The following ARHGEF9 variants were observed in gnomAD, a reference collection of about 807,000 sequenced individuals.
ARHGEF9 encodes the protein rho guanine nucleotide exchange factor 9.
A neutral mutation model predicts 41.3 loss-of-function variants in ARHGEF9; 2 were observed. The observed-to-expected ratio is 0.05, with a 90% CI of 0.02 to 0.15. The LOEUF (loss-of-function observed/expected upper bound fraction) is 0.15. Among genes scored for constraint, ARHGEF9 ranks in the 10% least tolerant of loss-of-function variants. ARHGEF9 has a pLI of 1.00. For missense variants in ARHGEF9, 225 were observed against 424.7 expected (o/e 0.53, Z 4.13); for synonymous variants, 160 against 154.4 (o/e 1.04, Z -0.27).
chrX:63,667,126 G>A (rs1556349790), intron 6 of ARHGEF9, among the ~76,000 whole-genome samples: 1 of 112,135 alleles, frequency 8.9e-6, no homozygotes, highest in African/African-American at 3.2e-5. Flanking sequence ...AGACACAGAA[G>A]AATTAATATT....
At chrX:63,761,675 T>G (rs2056036817) in intron 1 of ARHGEF9, among the ~76,000 whole-genome samples, 1 of 111,635 alleles carries the variant, frequency 9.0e-6, no homozygotes, top group Non-Finnish European at 1.9e-5. Flanking sequence ...TTTTCTGTTC[T>G]CCGATGACAT....
rs782353366 is a variant in ARHGEF9, at chrX:63,638,227, T to C, written c.1391-18A>G. On this transcript the variant is annotated intron_variant, in intron 9 of 9. Coordinates refer to ENST00000671741, the MANE Select transcript of ARHGEF9 (RefSeq NM_001353921.2). ...GTTGACACCTAGAGTAGATGAGAGA[T>C]CAAAGGGAAAGGGTATAAGTTATGT... 8.6e-7 allele frequency: 1 copy of C among 1,160,488 alleles called. No individual in the cohort carries two copies. Among genetic ancestry groups the C allele is most frequent in the African/African-American group, 1.8e-5 (1 of 55,280 alleles).
chrX:63,695,333 G>T (rs1159738678), intron 4 of ARHGEF9, among the ~76,000 whole-genome samples: 2 of 111,846 alleles, frequency 1.8e-5, no homozygotes, highest in African/African-American at 6.5e-5. Context: ...TCGGTTTGTT[G>T]CTACATAATA....
Position 63,713,463 on chromosome X carries a change from C to T in ARHGEF9, c.211-7014G>A, listed in dbSNP as rs1215235773. The stretch of plus-strand genomic sequence containing the variant: ...TTCAGATAATTCTAATCATTCTAAT[C>T]ATGAGCTCTGTCTCTGTCTGAATAA... On this transcript the variant is annotated intron_variant, in intron 2 of 9. Coordinates refer to ENST00000671741, the MANE Select transcript of ARHGEF9 (RefSeq NM_001353921.2). Among the ~76,000 whole-genome samples the T allele has an allele frequency of 2.7e-5, 3 of 109,957 alleles. No individual in the cohort carries two copies. The Admixed American group carries it at 2.9e-4, about 11-fold the overall frequency.
intron 1 of ARHGEF9, among the ~76,000 whole-genome samples, chrX:63,778,539 G>T (rs2056330643): frequency 8.9e-6 from 1 of 112,381 alleles, no homozygotes; most frequent in African/African-American, 3.2e-5. Context: ...CAGAAAATGG[G>T]TTTTGCTTTT....
At chrX:63,715,537 A>T (rs1172569334) in intron 2 of ARHGEF9, among the ~76,000 whole-genome samples, 1 of 112,209 alleles carries the variant, frequency 8.9e-6, no homozygotes, top group Non-Finnish European at 1.9e-5. Context: ...TTTACTAACA[A>T]GTTAAAGGCA....
chrX:63,769,627 C>G (rs1272986023), intron 1 of ARHGEF9, among the ~76,000 whole-genome samples: 1 of 111,173 alleles, frequency 9.0e-6, no homozygotes, highest in Non-Finnish European at 1.9e-5. Context: ...TTTCTTGGGC[C>G]GGGCCCAGGG....
At chrX:63,648,245 G>T (rs1382218552) in intron 8 of ARHGEF9, among the ~76,000 whole-genome samples, 1 of 111,566 alleles carries the variant, frequency 9.0e-6, no homozygotes, top group Non-Finnish European at 1.9e-5. Context: ...GACTAACAGC[G>T]GATCTCTCGG....
At chrX:63,744,905 T>C (rs2055173661) in intron 1 of ARHGEF9, among the ~76,000 whole-genome samples, 1 of 112,123 alleles carries the variant, frequency 8.9e-6, no homozygotes, top group African/African-American at 3.2e-5. Flanking sequence ...GCTTTTGTTC[T>C]AAGCCCTCCT....
At chrX:63,731,745 G>A (rs2054307259) in intron 1 of ARHGEF9, among the ~76,000 whole-genome samples, 1 of 109,946 alleles carries the variant, frequency 9.1e-6, no homozygotes. Flanking sequence ...ATTTTTCGTA[G>A]AGACAGGGTT....
At chrX:63,684,930 T>C (rs1385866242) in intron 4 of ARHGEF9, among the ~76,000 whole-genome samples, 1 of 105,724 alleles carries the variant, frequency 9.5e-6, no homozygotes, top group African/African-American at 3.4e-5. Context: ...AAAAAAAAAA[T>C]GAATACATAG....
In ARHGEF9 at chrX:63,738,927, A is replaced by G. The variant is rs1239110284; in HGVS notation, c.31-14216T>C. On this transcript the variant is annotated intron_variant, in intron 1 of 9. Coordinates refer to ENST00000671741, the MANE Select transcript of ARHGEF9 (RefSeq NM_001353921.2). ...AAGACTCCAGGAAATCTGACTGAACACGAGAATCTGTGGTGTACAAAGGAA... is the reference window on the plus strand; with the variant it reads ...AAGACTCCAGGAAATCTGACTGAACGCGAGAATCTGTGGTGTACAAAGGAA... Among the ~76,000 whole-genome samples, 3 of 111,470 alleles carry G rather than the reference A, an allele frequency of 2.7e-5. No homozygotes were observed. The East Asian group carries it at 8.5e-4, about 32-fold the overall frequency.
intron 9 of ARHGEF9, among the ~76,000 whole-genome samples, chrX:63,639,065 A>G (rs1285100839): frequency 1.8e-5 from 2 of 112,282 alleles, no homozygotes; most frequent in Non-Finnish European, 3.8e-5. Context: ...CAAGACATAC[A>G]GCATATAATT....
At chrX:63,735,013 G>A (rs782457365) in intron 1 of ARHGEF9, among the ~76,000 whole-genome samples, 18 of 110,843 alleles carry the variant, frequency 1.6e-4, no homozygotes, top group Non-Finnish European at 2.8e-4. Context: ...AGCCAGCGTG[G>A]GTCTTATACC....
rs1429732470 is a variant in ARHGEF9, at chrX:63,637,036, C to A, written c.*992G>T. 5 of 295,632 alleles carry A rather than the reference C, an allele frequency of 1.7e-5. No individual in the cohort carries two copies. Among genetic ancestry groups the A allele is most frequent in the Non-Finnish European group, 2.4e-5 (4 of 170,086 alleles). The allele number at this position is 295,632 out of a possible 1,213,427, so 24.4% of individuals were successfully genotyped here. On this transcript the variant is annotated 3_prime_UTR_variant, in exon 10 of 10. Transcript: ENST00000671741. ...CCTCTCCTGGGAGGCAGAATCTCAACCTCTGCTTCCAGTTCAGATCTTTTG... is the reference window on the plus strand; with the variant it reads ...CCTCTCCTGGGAGGCAGAATCTCAAACTCTGCTTCCAGTTCAGATCTTTTG...
chrX:63,735,420 A>G (rs1556422180), intron 1 of ARHGEF9, among the ~76,000 whole-genome samples: 1 of 111,498 alleles, frequency 9.0e-6, no homozygotes, highest in Non-Finnish European at 1.9e-5. Flanking sequence ...GCATGGTTCT[A>G]TACTCAACAC....
intron 1 of ARHGEF9, chrX:63,767,015 C>T: frequency 3.7e-6 from 3 of 801,782 alleles, no homozygotes; most frequent in Non-Finnish European, 5.6e-6. Context: ...TAGAGGTAAA[C>T]ACTGTCTCTG....
chrX:63,758,391 C>G (rs782570616), intron 1 of ARHGEF9, among the ~76,000 whole-genome samples: 30 of 112,349 alleles, frequency 2.7e-4, no homozygotes, highest in African/African-American at 9.4e-4. Context: ...ACTCCTTCTG[C>G]TGAAAAGAAC....
chrX:63,717,489 A>G (rs1556410963), intron 2 of ARHGEF9, among the ~76,000 whole-genome samples: 2 of 111,937 alleles, frequency 1.8e-5, no homozygotes. Context: ...TAGCAGCAAC[A>G]AGAAACTGAT....
Sources: gnomAD v4.1 joint callset for allele counts (sites outside exome capture counted in the v4.1 genomes callset) on GRCh38, gnomAD v4.1.1 for gene constraint, MANE v1.5 for transcripts, NCBI Gene and HGNC (gene_info 2026-07-23, HGNC 2026-07-21) for gene names.